ADCY8: variants seen among roughly 807,000 people sequenced by gnomAD.
ADCY8 encodes adenylate cyclase type 8.
A neutral mutation model predicts 119.7 loss-of-function variants in ADCY8; 51 were observed. The observed-to-expected ratio is 0.43, with a 90% CI of 0.34 to 0.54. ADCY8 has a LOEUF of 0.54. Among genes scored for constraint, ADCY8 ranks in the 20% least tolerant of loss-of-function variants. The pLI is 0.03. For synonymous variants in ADCY8, 665 were observed against 651.0 expected, an observed-to-expected ratio of 1.02 and a Z score of -0.33; for missense variants, 1,383 against 1,598.8, an observed-to-expected ratio of 0.87 and a Z score of 2.30.
intron 9 of ADCY8, among the ~76,000 whole-genome samples, chr8:130,856,622 C>A (rs1315822829): frequency 1.3e-5 from 2 of 152,104 alleles, no homozygotes; most frequent in Non-Finnish European, 2.9e-5. Flanking sequence ...TCTCTGGTAC[C>A]CTTCTTCTGA....
chr8:130,976,303 C>A (rs901624909), intron 2 of ADCY8, among the ~76,000 whole-genome samples: 2 of 152,166 alleles, frequency 1.3e-5, no homozygotes, highest in Non-Finnish European at 2.9e-5. Flanking sequence ...TGAAGCTTAA[C>A]CATCATTGGC....
intron 5 of ADCY8, among the ~76,000 whole-genome samples, chr8:130,912,532 A>G (rs901703915): frequency 6.6e-6 from 1 of 152,222 alleles, no homozygotes; most frequent in Middle Eastern, 3.2e-3. Context: ...CTTTTTTAAA[A>G]GAAAAAAATA....
chr8:130,982,208 C>T (rs1416509976), intron 2 of ADCY8, among the ~76,000 whole-genome samples: 2 of 152,184 alleles, frequency 1.3e-5, no homozygotes, highest in African/African-American at 2.4e-5. Flanking sequence ...AGATCAGAGG[C>T]CATTAACGCT....
intron 2 of ADCY8, among the ~76,000 whole-genome samples, chr8:130,981,733 G>T (rs1218344901): frequency 1.3e-5 from 2 of 152,168 alleles, no homozygotes; most frequent in Admixed American, 1.3e-4. Flanking sequence ...TGCCAAATTT[G>T]AATAAGAACA....
chr8:131,031,974 T>A (rs1824011667), intron 1 of ADCY8, among the ~76,000 whole-genome samples: 1 of 152,222 alleles, frequency 6.6e-6, no homozygotes, highest in African/African-American at 2.4e-5. Flanking sequence ...ATTCAGCGTG[T>A]AATCACACAC....
chr8:130,897,313 G>A (rs1225233824), intron 7 of ADCY8, among the ~76,000 whole-genome samples: 2 of 152,042 alleles, frequency 1.3e-5, no homozygotes, highest in Non-Finnish European at 2.9e-5. Flanking sequence ...AGTCCCAGCT[G>A]GAATTGGTGA....
intron 15 of ADCY8, among the ~76,000 whole-genome samples, chr8:130,798,946 C>A (rs1002774233): frequency 2.0e-5 from 3 of 152,050 alleles, no homozygotes; most frequent in Middle Eastern, 3.2e-3. Flanking sequence ...CAGTGGAATA[C>A]TATTCAGCCA....
intron 2 of ADCY8, among the ~76,000 whole-genome samples, chr8:130,961,934 C>A (rs1206383106): frequency 6.6e-6 from 1 of 152,110 alleles, no homozygotes; most frequent in African/African-American, 2.4e-5. Context: ...ATGATCATGC[C>A]ACCGTACTCC....
chr8:130,843,548 C>T (rs1025918358), intron 11 of ADCY8, among the ~76,000 whole-genome samples: 1 of 152,208 alleles, frequency 6.6e-6, no homozygotes, highest in East Asian at 1.9e-4. Context: ...CAGGCAATCA[C>T]TTGCTTCCTG....
intron 3 of ADCY8, among the ~76,000 whole-genome samples, chr8:130,951,371 T>C (rs186377799): frequency 6.6e-6 from 1 of 151,938 alleles, no homozygotes; most frequent in Non-Finnish European, 1.5e-5. Context: ...GATGGGGGAG[T>C]AAGTGGGAAG....
intron 6 of ADCY8, among the ~76,000 whole-genome samples, chr8:130,907,352 GACAATAAAAAAGTGGAAAAATATATA>G (rs1310053557): frequency 6.6e-6 from 1 of 151,226 alleles, no homozygotes; most frequent in Non-Finnish European, 1.5e-5. Flanking sequence ...TAAAGAAGAA[GACAATAAAAAAGTGGAAAAATATATA>G]ACAATATCAA....
chr8:130,988,576 G>A (rs1294204039), intron 2 of ADCY8, among the ~76,000 whole-genome samples: 1 of 152,146 alleles, frequency 6.6e-6, no homozygotes, highest in Non-Finnish European at 1.5e-5. Flanking sequence ...AAGTTAAGTA[G>A]CTTAGGTGGC....
intron 17 of ADCY8, among the ~76,000 whole-genome samples, chr8:130,781,355 G>A (rs995768432): frequency 2.6e-5 from 4 of 152,244 alleles, no homozygotes; most frequent in Non-Finnish European, 5.9e-5. Context: ...GGTCCATGGC[G>A]ATGGCTTTCT....
intron 2 of ADCY8, among the ~76,000 whole-genome samples, chr8:130,985,928 C>T (rs1367009339): frequency 6.6e-6 from 1 of 152,136 alleles, no homozygotes; most frequent in Non-Finnish European, 1.5e-5. Context: ...AACTTTATTC[C>T]AGTGCCCCCA....
intron 2 of ADCY8, among the ~76,000 whole-genome samples, chr8:130,954,069 CCACTGCATCTG>C (rs1429596410): frequency 5.9e-5 from 9 of 152,166 alleles, no homozygotes; most frequent in Admixed American, 5.9e-4. Flanking sequence ...AATTAAGATG[CCACTGCATCTG>C]CACTTGTAAG....
chr8:130,981,498 A>C (rs948063474), intron 2 of ADCY8, among the ~76,000 whole-genome samples: 5 of 152,130 alleles, frequency 3.3e-5, no homozygotes, highest in African/African-American at 1.2e-4. Context: ...CAATTTCTTT[A>C]GTCAAAATTA....
Position 130,814,102 on chromosome 8 carries a change from G to A in ADCY8, c.2880C>T (p.Ala960=). Reference sequence around the variant, plus strand: ...CTCGGTCCTTCTCTAGGAAATGGCGGGCCACATGGCTGGGTAAGATATTCC... The same window carrying A: ...CTCGGTCCTTCTCTAGGAAATGGCGAGCCACATGGCTGGGTAAGATATTCC... The part of the protein sequence containing the change: ...MLRNILPSHV[A]RHFLEKDRDN... Residue 960 remains alanine (A), a synonymous_variant, in exon 14 of 18, where the codon GCC becomes GCT. Transcript: ENST00000286355. 1 of 1,614,098 alleles carries A rather than the reference G, an allele frequency of 6.2e-7. No homozygotes were observed. Among genetic ancestry groups the A allele is most frequent in the Non-Finnish European group, 8.5e-7 (1 of 1,180,014 alleles).
intron 7 of ADCY8, among the ~76,000 whole-genome samples, chr8:130,899,152 A>G (rs1563719622): frequency 6.6e-6 from 1 of 152,200 alleles, no homozygotes; most frequent in East Asian, 1.9e-4. Context: ...TTTCCTGCTT[A>G]TTTGCATGAG....
At chr8:130,994,219 A>T (rs1020004934) in intron 1 of ADCY8, among the ~76,000 whole-genome samples, 4 of 152,242 alleles carry the variant, frequency 2.6e-5, no homozygotes, top group African/African-American at 9.6e-5. Flanking sequence ...CTTTTTCTTC[A>T]CAGATTGATG....
Sources: allele counts gnomAD v4.1 joint callset (sites outside exome capture counted in the v4.1 genomes callset), GRCh38; gene constraint gnomAD v4.1.1; transcripts MANE v1.5; gene names NCBI Gene and HGNC (gene_info 2026-07-23, HGNC 2026-07-21).